The following SEMA6D variants were observed in gnomAD, a reference collection of about 807,000 sequenced individuals.
SEMA6D encodes the protein semaphorin-6D.
In SEMA6D, 35 loss-of-function variants were observed where a neutral mutation model predicts 106.6. The ratio of observed to expected loss-of-function variants is 0.33; its 90% confidence interval spans 0.25 to 0.44. The LOEUF (loss-of-function observed/expected upper bound fraction) is 0.44, where lower values mean the gene tolerates loss of function less well. Ranked by LOEUF, SEMA6D falls within the 20% of genes least tolerant of loss-of-function variation. The pLI is 1.00. For missense variants in SEMA6D, 1,185 were observed against 1,345.9 expected, an observed-to-expected ratio of 0.88 and a Z score of 1.87; for synonymous variants, 499 against 487.7, an observed-to-expected ratio of 1.02 and a Z score of -0.31.
At chr15:47,567,257 A>G (rs912236818) in intron 3 of SEMA6D, among the ~76,000 whole-genome samples, 6 of 152,204 alleles carry the variant, frequency 3.9e-5, no homozygotes, top group Non-Finnish European at 8.8e-5. Flanking sequence ...AGGATGTGAA[A>G]TTTTACATTG....
In SEMA6D at chr15:47,319,283, A is replaced by G. The variant is rs191970369; in HGVS notation, c.-238-93110A>G. Reference sequence around the variant, plus strand: ...TTTAAATTCCCAGTCTTATAATTCAAACATTTCTGCTGTATCCCATTCTTG... The same window carrying G: ...TTTAAATTCCCAGTCTTATAATTCAGACATTTCTGCTGTATCCCATTCTTG... On this transcript the variant is annotated intron_variant, in intron 1 of 19. Transcript: ENST00000558014. 2.1e-3 allele frequency among the ~76,000 whole-genome samples: 314 copies of G among 152,310 alleles called. 1 individual carries two copies. Among genetic ancestry groups the G allele is most frequent in the African/African-American group, 5.6e-3 (233 of 41,566 alleles).
chr15:47,380,555 T>C (rs2039604992), intron 1 of SEMA6D: 1 of 152,246 alleles, frequency 6.6e-6, no homozygotes. Flanking sequence ...TTCATATTCA[T>C]ATTTAATTCG....
chr15:47,705,862 A>G lies in SEMA6D; in HGVS notation c.-54-53883A>G, dbSNP rs565497562. Among the ~76,000 whole-genome samples the G allele has an allele frequency of 2.0e-5, 3 of 152,334 alleles. 1 individual carries two copies. Among genetic ancestry groups the G allele is most frequent in the African/African-American group, 7.2e-5 (3 of 41,580 alleles). On this transcript the variant is annotated intron_variant, in intron 4 of 19. Transcript: ENST00000558014. ...GCTTAAGGCCATTACCAGGGAACCA[A>G]CACCTTCAGTGGATAGCCACACTCC...
rs372514730 is a variant in SEMA6D, at chr15:47,622,980, C to G, written c.-55+22084C>G. ...GTGCATGGAATCAGTAGGAAGGATCCCAGGGAATCTAGAGAGAGCTCAACC... is the reference window on the plus strand; with the variant it reads ...GTGCATGGAATCAGTAGGAAGGATCGCAGGGAATCTAGAGAGAGCTCAACC... On this transcript the variant is annotated intron_variant, in intron 4 of 19. Coordinates refer to the SEMA6D transcript ENST00000558014. Among the ~76,000 whole-genome samples, 4 of 151,688 alleles carry G rather than the reference C, an allele frequency of 2.6e-5. No homozygotes were observed. In the East Asian group the frequency reaches 5.9e-4, roughly 22 times the overall value.
chr15:47,303,344 G>C (rs945103811), intron 1 of SEMA6D, among the ~76,000 whole-genome samples: 2 of 152,138 alleles, frequency 1.3e-5, no homozygotes, highest in African/African-American at 2.4e-5. Context: ...CATTTCTAAA[G>C]GTTTCTCATG....
intron 1 of SEMA6D, chr15:47,395,466 T>G (rs1227480053): frequency 3.3e-5 from 5 of 152,244 alleles, no homozygotes; most frequent in Non-Finnish European, 5.9e-5. Context: ...TTCAATCATT[T>G]CATGGATTGT....
At chr15:47,386,887 G>A (rs767912036) in intron 1 of SEMA6D, among the ~76,000 whole-genome samples, 5 of 152,238 alleles carry the variant, frequency 3.3e-5, no homozygotes, top group Non-Finnish European at 5.9e-5. Context: ...ATTTATCTGT[G>A]TTTTGTTTAT....
intron 2 of SEMA6D, among the ~76,000 whole-genome samples, chr15:47,415,659 AC>A (rs1233038004): frequency 2.0e-5 from 3 of 151,770 alleles, no homozygotes; most frequent in African/African-American, 2.4e-5. Context: ...AGACAAATAT[AC>A]CCCCATAGCC....
At chr15:47,708,353 T>G (rs2078952974) in intron 4 of SEMA6D, among the ~76,000 whole-genome samples, 1 of 152,202 alleles carries the variant, frequency 6.6e-6, no homozygotes, top group Non-Finnish European at 1.5e-5. Context: ...CCCCTGATTC[T>G]GCTGCCCTCT....
At chr15:47,187,292 G>A in intron 1 of SEMA6D, among the ~76,000 whole-genome samples, 1 of 152,124 alleles carries the variant, frequency 6.6e-6, no homozygotes, top group East Asian at 1.9e-4. Context: ...AATGCTAGCT[G>A]CTTCTAAATA....
At chr15:47,461,695 C>G (rs766178792) in intron 2 of SEMA6D, among the ~76,000 whole-genome samples, 4 of 151,934 alleles carry the variant, frequency 2.6e-5, no homozygotes, top group Non-Finnish European at 4.4e-5. Flanking sequence ...ATGAGTCATT[C>G]TATTTGGAAT....
chr15:47,222,389 C>T (rs936194926), intron 1 of SEMA6D, among the ~76,000 whole-genome samples: 1 of 152,086 alleles, frequency 6.6e-6, no homozygotes, highest in South Asian at 2.1e-4. Context: ...GTTTTCTTTC[C>T]AGATACCACA....
At chr15:47,684,998 GGAAGGAAGA>G (rs1304694041) in intron 4 of SEMA6D, among the ~76,000 whole-genome samples, 4 of 152,100 alleles carry the variant, frequency 2.6e-5, no homozygotes, top group Admixed American at 6.6e-5. Context: ...TCACAAAAGA[GGAAGGAAGA>G]GAAGGAAGAG....
intron 3 of SEMA6D, among the ~76,000 whole-genome samples, chr15:47,508,562 A>G (rs1394903674): frequency 6.6e-6 from 1 of 152,260 alleles, no homozygotes; most frequent in Non-Finnish European, 1.5e-5. Flanking sequence ...AGCAATTTCA[A>G]TCTGTGAACA....
At chr15:47,293,808 C>A (rs1199096164) in intron 1 of SEMA6D, among the ~76,000 whole-genome samples, 1 of 152,146 alleles carries the variant, frequency 6.6e-6, no homozygotes. Context: ...CAATTTTCTG[C>A]AATTAAAATG....
intron 1 of SEMA6D, among the ~76,000 whole-genome samples, chr15:47,371,222 T>C (rs578236611): frequency 6.6e-5 from 10 of 152,322 alleles, no homozygotes; most frequent in African/African-American, 2.4e-4. Flanking sequence ...CATTTTGCTG[T>C]CCATTGTAAT....
intron 1 of SEMA6D, among the ~76,000 whole-genome samples, chr15:47,257,413 A>G (rs2033866555): frequency 6.6e-6 from 1 of 152,128 alleles, no homozygotes; most frequent in South Asian, 2.1e-4. Context: ...AACTTTCCTC[A>G]TTTCTAGTAT....
intron 1 of SEMA6D, among the ~76,000 whole-genome samples, chr15:47,367,719 CACACACACAG>C (rs1460158532): frequency 0.012 from 334 of 26,868 alleles, no homozygotes; most frequent in African/African-American, 0.03. Context: ...CACACACACA[CACACACACAG>C]AGAGAGAGAA....
chr15:47,465,545 G>A (rs934395240), intron 2 of SEMA6D, among the ~76,000 whole-genome samples: 6 of 152,166 alleles, frequency 3.9e-5, no homozygotes, highest in South Asian at 2.1e-4. Flanking sequence ...GTAATCCCCC[G>A]TGTTGGAGGA....
Sources: allele counts gnomAD v4.1 joint callset (sites outside exome capture counted in the v4.1 genomes callset), GRCh38; gene constraint gnomAD v4.1.1; transcripts MANE v1.5; gene names NCBI Gene and HGNC (gene_info 2026-07-23, HGNC 2026-07-21).